MOK: variants seen among roughly 807,000 people sequenced by gnomAD.
MOK encodes the protein MOK protein kinase.
In MOK, 59 loss-of-function variants were observed where a neutral mutation model predicts 54.2. The observed-to-expected ratio is 1.09, with a 90% CI of 0.88 to 1.35. The LOEUF is 1.35. MOK is among the 40% of genes most tolerant of loss of function. The pLI, the probability that MOK is intolerant of heterozygous loss-of-function variation, is 0.00. For missense variants in MOK, 517 were observed against 526.2 expected (o/e 0.98, Z 0.17); for synonymous variants, 210 against 202.7 (o/e 1.04, Z -0.31).
the MOK span, among the ~76,000 whole-genome samples, chr14:102,215,581 C>T: frequency 1.9e-3 from 293 of 152,282 alleles, 1 homozygote; most frequent in African/African-American, 6.1e-3. Context: ...TTTTAAGCCC[C>T]GCATGCATTA....
Position 102,251,910 on chromosome 14 carries a change from A to G in MOK, c.362+7T>C. 1 of 1,592,120 alleles carries G rather than the reference A, an allele frequency of 6.3e-7. No homozygotes were observed. Among genetic ancestry groups the G allele is most frequent in the Non-Finnish European group, 8.6e-7 (1 of 1,163,032 alleles). Reference sequence around the variant, plus strand: ...ATTTCAGAGCTGTCAAATCTCCGAGAGCATACCTGTGAATATGATCCAGGG... The same window carrying G: ...ATTTCAGAGCTGTCAAATCTCCGAGGGCATACCTGTGAATATGATCCAGGG... On this transcript the variant is annotated splice_region_variant and intron_variant, in intron 5 of 11. Transcript: ENST00000361847.
At chr14:102,261,985 C>T (rs962062873) in intron 4 of MOK, among the ~76,000 whole-genome samples, 5 of 151,544 alleles carry the variant, frequency 3.3e-5, no homozygotes, top group Non-Finnish European at 5.9e-5. Context: ...GGACTACAGG[C>T]GCCCGCCACC....
At chr14:102,253,384 C>T (rs1033998251) in intron 4 of MOK, among the ~76,000 whole-genome samples, 2 of 152,214 alleles carry the variant, frequency 1.3e-5, no homozygotes, top group South Asian at 2.1e-4. Flanking sequence ...CAGCCTCAGC[C>T]GGCCTCGGAG....
chr14:102,273,296 A>G (rs2068553131), intron 2 of MOK, among the ~76,000 whole-genome samples: 1 of 147,818 alleles, frequency 6.8e-6, no homozygotes, highest in South Asian at 2.2e-4. Flanking sequence ...AAAAAAAAAA[A>G]TAAGTGAATC....
intron 4 of MOK, among the ~76,000 whole-genome samples, chr14:102,253,396 C>T (rs891382721): frequency 2.6e-5 from 4 of 152,208 alleles, no homozygotes; most frequent in Admixed American, 1.3e-4. Context: ...GCCTCGGAGG[C>T]CTTCCAGGAC....
chr14:102,216,015 G>A, the MOK span, among the ~76,000 whole-genome samples: 1 of 152,116 alleles, frequency 6.6e-6, no homozygotes, highest in Non-Finnish European at 1.5e-5. Flanking sequence ...TCCCTGCTGT[G>A]TCATGAGACA....
At chr14:102,278,877 C>T (rs913704512) in intron 2 of MOK, among the ~76,000 whole-genome samples, 1 of 152,216 alleles carries the variant, frequency 6.6e-6, no homozygotes, top group Admixed American at 6.5e-5. Context: ...CTTGTATTAT[C>T]TGTTATGGAA....
intron 1 of MOK, among the ~76,000 whole-genome samples, chr14:102,299,598 T>C (rs2071923795): frequency 1.3e-5 from 2 of 152,176 alleles, no homozygotes; most frequent in Non-Finnish European, 2.9e-5. Context: ...TTTGTTTTAT[T>C]TTTTTGAAAC....
Position 102,235,041 on chromosome 14 carries a change from C to T in MOK, c.591-1252G>A, listed in dbSNP as rs923278070. On this transcript the variant is annotated intron_variant, in intron 7 of 11. Coordinates refer to ENST00000361847, the MANE Select transcript of MOK (RefSeq NM_014226.3). The surrounding 1 kb of genome is among the most constrained non-coding windows in gnomAD (Gnocchi z 4.4). Reference sequence around the variant, plus strand: ...GATTTCTCCCCTCCTCGACAACATCCTAATCCTCCACCGGAACAGCATGAC... The same window carrying T: ...GATTTCTCCCCTCCTCGACAACATCTTAATCCTCCACCGGAACAGCATGAC... 3 of 152,316 alleles carry T rather than the reference C, an allele frequency of 2.0e-5. No individual in the cohort carries two copies. The highest frequency in any genetic ancestry group is 7.2e-5 in the African/African-American group (3 of 41,430). The allele number at this position is 152,316 out of a possible 1,614,324, so 9.4% of individuals were successfully genotyped here.
At chr14:102,296,677 T>C (rs897655490) in intron 1 of MOK, among the ~76,000 whole-genome samples, 1 of 152,158 alleles carries the variant, frequency 6.6e-6, no homozygotes, top group African/African-American at 2.4e-5. Flanking sequence ...TCCAACATAT[T>C]GGGAGGCCGA....
Position 102,265,918 on chromosome 14 carries a change from G to A in MOK, c.123-6C>T, listed in dbSNP as rs369856361. ...GGTTGTTGACTTGCTCAATACTATCGTGTAGGTAAAAATGGATAGCTCATT... is the reference window on the plus strand; with the variant it reads ...GGTTGTTGACTTGCTCAATACTATCATGTAGGTAAAAATGGATAGCTCATT... On this transcript the variant is annotated splice_region_variant and splice_polypyrimidine_tract_variant and intron_variant, in intron 2 of 11. Transcript: ENST00000361847. 4.8e-5 allele frequency: 77 copies of A among 1,607,222 alleles called. No homozygotes were observed. In the African/African-American group the frequency reaches 5.5e-4, roughly 11 times the overall value.
chr14:102,251,178 T>C (rs972807709), intron 6 of MOK, among the ~76,000 whole-genome samples, 188 bp from the exon 7 acceptor site: 12 of 152,234 alleles, frequency 7.9e-5, no homozygotes, highest in Non-Finnish European at 1.5e-4. Flanking sequence ...GTCTATTCAG[T>C]GGAACAGGTT....
At position 102,250,260 on chromosome 14, in the gene MOK, C is replaced by T. The variant is rs551775433; in HGVS notation, c.590+552G>A. On this transcript the variant is annotated intron_variant, in intron 7 of 11. Transcript: ENST00000361847. ...GGGAGCAAGAGGTGCAGCTCTCCACCCCTGTGCGCGTCTTCAACTCAACAC... is the reference window on the plus strand; with the variant it reads ...GGGAGCAAGAGGTGCAGCTCTCCACTCCTGTGCGCGTCTTCAACTCAACAC... Among the ~76,000 whole-genome samples the T allele has an allele frequency of 3.3e-5, 5 of 152,254 alleles. No individual in the cohort carries two copies. In the East Asian group the frequency reaches 7.7e-4, roughly 24 times the overall value.
At chr14:102,225,530 G>A (rs1440537216), downstream of MOK, 1 of 152,270 alleles carries the variant, frequency 6.6e-6, no homozygotes, top group Non-Finnish European at 1.5e-5. Flanking sequence ...GCCCCGAGAT[G>A]GCATCACTCG....
intron 4 of MOK, among the ~76,000 whole-genome samples, chr14:102,255,110 G>A (rs1451091845): frequency 2.6e-5 from 4 of 152,142 alleles, no homozygotes; most frequent in Non-Finnish European, 5.9e-5. Flanking sequence ...ACGAGGTCCG[G>A]AGATCGAGAC....
intron 4 of MOK, among the ~76,000 whole-genome samples, chr14:102,254,588 C>T (rs1036470579): frequency 6.6e-6 from 1 of 152,142 alleles, no homozygotes; most frequent in Non-Finnish European, 1.5e-5. Flanking sequence ...TCAAGACCCC[C>T]TTCAACCAAT....
In MOK at chr14:102,251,743, T is replaced by TA; in HGVS notation, c.411+12dup. 6.4e-7 allele frequency: 1 copy of TA among 1,558,920 alleles called. No individual in the cohort carries two copies. Among genetic ancestry groups the TA allele is most frequent in the Non-Finnish European group, 8.8e-7 (1 of 1,132,492 alleles). ...TTTATTCTGATACCCAGCTTTCATGTAAAAGCTCTTACCTTTATTAGTATA... is the reference window on the plus strand; with the variant it reads ...TTTATTCTGATACCCAGCTTTCATGTAAAAAGCTCTTACCTTTATTAGTATA... On this transcript the variant is annotated intron_variant, in intron 6 of 11. Transcript: ENST00000361847.
chr14:102,296,751 T>A (rs2071461879), intron 1 of MOK, among the ~76,000 whole-genome samples: 1 of 151,898 alleles, frequency 6.6e-6, no homozygotes, highest in Non-Finnish European at 1.5e-5. Flanking sequence ...GAGACCCTCA[T>A]CTCTAAAAAA....
rs1597285430 is a variant in MOK, at chr14:102,236,625, A to T, written c.591-2836T>A. Among the ~76,000 whole-genome samples, 1 of 151,480 alleles carries T rather than the reference A, an allele frequency of 6.6e-6. No individual in the cohort carries two copies. The highest frequency in any genetic ancestry group is 1.5e-5 in the Non-Finnish European group (1 of 67,860). On this transcript the variant is annotated intron_variant, in intron 7 of 11. Coordinates refer to ENST00000361847, the MANE Select transcript of MOK (RefSeq NM_014226.3). This position sits in a 1 kb window ranked among gnomAD's most constrained non-coding sequence, Gnocchi z 4.5. ...CTCCTCTATGCGAGTCCAGCCCCTG[A>T]CCCCTCTCCCCAGTACCCACTTCCC...
Sources: gnomAD v4.1 joint callset for allele counts (sites outside exome capture counted in the v4.1 genomes callset) on GRCh38, gnomAD v4.1.1 for gene constraint, Gnocchi (gnomAD v3.1) non-coding constraint, MANE v1.5 for transcripts, NCBI Gene and HGNC (gene_info 2026-07-23, HGNC 2026-07-21) for gene names.